SNX9: variants seen among roughly 807,000 people sequenced by gnomAD.
SNX9 encodes the protein sorting nexin 9.
In SNX9, 44 loss-of-function variants were observed where a neutral mutation model predicts 89.4. That is an observed-to-expected ratio of 0.49 (90% CI 0.39 to 0.63). The LOEUF (loss-of-function observed/expected upper bound fraction) is 0.63, where lower values mean the gene tolerates loss of function less well. SNX9 is among the 30% of genes least tolerant of loss of function. The pLI is 0.00. For synonymous variants in SNX9, 236 were observed against 247.8 expected, an observed-to-expected ratio of 0.95 and a Z score of 0.45; for missense variants, 578 against 736.1, an observed-to-expected ratio of 0.79 and a Z score of 2.49.
At chr6:157,840,432 T>TCTTTCCTTTCTTTC (rs1781679742) in intron 1 of SNX9, among the ~76,000 whole-genome samples, 1 of 138,700 alleles carries the variant, frequency 7.2e-6, no homozygotes. Flanking sequence ...TTCTTTCTTT[T>TCTTTCCTTTCTTTC]CTTTCCTTTC....
At position 157,944,254 on chromosome 6, in the gene SNX9, T is replaced by C. The variant is rs1456965452; in HGVS notation, c.*1416T>C. 5 of 152,638 alleles carry C rather than the reference T, an allele frequency of 3.3e-5. No individual in the cohort carries two copies. The highest frequency in any genetic ancestry group is 5.9e-5 in the Non-Finnish European group (4 of 68,042). The allele number at this position is 152,638 out of a possible 1,614,324, so 9.5% of individuals were successfully genotyped here. Reference sequence around the variant, plus strand: ...AAAGTCTGGGCCAGCATCAATAAAATGACACCAAAAATAAGTAGATGAAAT... The same window carrying C: ...AAAGTCTGGGCCAGCATCAATAAAACGACACCAAAAATAAGTAGATGAAAT... On this transcript the variant is annotated 3_prime_UTR_variant, in exon 18 of 18. Coordinates refer to ENST00000392185, the MANE Select transcript of SNX9 (RefSeq NM_016224.5).
intron 9 of SNX9, among the ~76,000 whole-genome samples, chr6:157,913,613 A>G (rs548628530): frequency 6.6e-6 from 1 of 152,300 alleles, no homozygotes; most frequent in African/African-American, 2.4e-5. Flanking sequence ...ACATTTCATG[A>G]TACAGAACAG....
chr6:157,850,694 G>A (rs1466862541), intron 1 of SNX9, among the ~76,000 whole-genome samples: 1 of 152,128 alleles, frequency 6.6e-6, no homozygotes, highest in Non-Finnish European at 1.5e-5. Flanking sequence ...TCATTGTCAA[G>A]CTCCATACAT....
intron 10 of SNX9, among the ~76,000 whole-genome samples, chr6:157,926,551 G>A (rs1045878423): frequency 2.0e-5 from 3 of 152,100 alleles, no homozygotes; most frequent in African/African-American, 7.2e-5. Context: ...GGAGGCTGAG[G>A]TGGGCAGATT....
At chr6:157,910,112 C>T (rs1414076885) in intron 9 of SNX9, 87 bp downstream of exon 9, 2 of 1,026,834 alleles carry the variant, frequency 1.9e-6, no homozygotes, top group East Asian at 4.8e-5. Context: ...TGGCATTTTC[C>T]ATCCTGTAGA....
At chr6:157,902,087 A>C (rs1192834279) in intron 6 of SNX9, 42 bp downstream of exon 6, 1 of 1,595,746 alleles carries the variant, frequency 6.3e-7, no homozygotes, top group South Asian at 1.1e-5. Context: ...CCGTGGTAGA[A>C]GTATACATTA....
intron 9 of SNX9, among the ~76,000 whole-genome samples, chr6:157,914,491 T>TTTTTTTC (rs1783421546): frequency 6.9e-6 from 1 of 144,934 alleles, no homozygotes; most frequent in African/African-American, 2.6e-5. Context: ...TTTTTTTTTT[T>TTTTTTTC]TGGAGACAGG....
At chr6:157,881,426 G>A (rs551456076) in intron 4 of SNX9, among the ~76,000 whole-genome samples, 1 of 152,132 alleles carries the variant, frequency 6.6e-6, no homozygotes, top group South Asian at 2.1e-4. Flanking sequence ...TATTAACCCT[G>A]CAGTGGCCTC....
At chr6:157,878,391 A>G (rs73573870) in intron 4 of SNX9, among the ~76,000 whole-genome samples, 3,083 of 151,950 alleles carry the variant, frequency 0.02, 94 homozygotes, top group African/African-American at 0.071. Flanking sequence ...AAAATAATAG[A>G]CAGCATTTTT....
intron 1 of SNX9, among the ~76,000 whole-genome samples, chr6:157,832,106 T>G (rs1781489321): frequency 6.6e-6 from 1 of 152,262 alleles, no homozygotes; most frequent in Non-Finnish European, 1.5e-5. Context: ...GTAAATGCAG[T>G]GTTTAAGGAT....
chr6:157,916,458 T>C (rs1285428396), intron 9 of SNX9, among the ~76,000 whole-genome samples: 3 of 152,252 alleles, frequency 2.0e-5, no homozygotes, highest in African/African-American at 7.2e-5. Flanking sequence ...ACTTCCTGTA[T>C]GCTCTTGAGT....
intron 1 of SNX9, among the ~76,000 whole-genome samples, chr6:157,843,134 C>T (rs1344255859): frequency 6.6e-6 from 1 of 152,132 alleles, no homozygotes; most frequent in African/African-American, 2.4e-5. Flanking sequence ...GGAGATGAAG[C>T]CTTCTAAGCC....
At chr6:157,859,582 A>G (rs1227207101) in intron 1 of SNX9, among the ~76,000 whole-genome samples, 2 of 152,216 alleles carry the variant, frequency 1.3e-5, no homozygotes, top group Admixed American at 6.5e-5. Context: ...GAAGCTGTAG[A>G]AAAATGTTAC....
intron 1 of SNX9, among the ~76,000 whole-genome samples, chr6:157,835,350 A>C (rs1781562120): frequency 6.6e-6 from 1 of 151,892 alleles, no homozygotes; most frequent in African/African-American, 2.4e-5. Context: ...CTTCTATTAG[A>C]GTTCAATTAC....
intron 17 of SNX9, among the ~76,000 whole-genome samples, chr6:157,941,330 G>A (rs1195330079): frequency 6.6e-6 from 1 of 152,126 alleles, no homozygotes; most frequent in Non-Finnish European, 1.5e-5. Flanking sequence ...CTGGGACTCC[G>A]TTGGCAGCTG....
intron 9 of SNX9, among the ~76,000 whole-genome samples, chr6:157,910,253 T>A (rs1783311184): frequency 6.6e-6 from 1 of 152,262 alleles, no homozygotes; most frequent in Admixed American, 6.5e-5. Context: ...TCACAGGTTT[T>A]GGTATGTGTC....
In SNX9 at chr6:157,835,072, G is replaced by A. The variant is rs546915976; in HGVS notation, c.12+11626G>A. ...TTGTCACCCAGGCTGGAGTGCAGTG[G>A]CATGATCTCAGCTCACTGCAACCTC... is the stretch of plus-strand genomic sequence containing the variant. On this transcript the variant is annotated intron_variant, in intron 1 of 17. Coordinates refer to ENST00000392185, the MANE Select transcript of SNX9 (RefSeq NM_016224.5). Among the ~76,000 whole-genome samples the A allele has an allele frequency of 2.0e-5, 3 of 152,226 alleles. No individual in the cohort carries two copies. In the South Asian group the frequency reaches 6.2e-4, roughly 32 times the overall value.
chr6:157,889,845 T>C (rs750766688), intron 4 of SNX9, among the ~76,000 whole-genome samples: 7 of 152,256 alleles, frequency 4.6e-5, no homozygotes, highest in Non-Finnish European at 1.0e-4. Flanking sequence ...CTTTTCTTTA[T>C]ATTTTAGATG....
chr6:157,926,351 A>G (rs1783691127), intron 10 of SNX9, among the ~76,000 whole-genome samples: 2 of 152,080 alleles, frequency 1.3e-5, no homozygotes, highest in South Asian at 4.1e-4. Context: ...GATATTTTTG[A>G]TTTGGGTACT....
Sources: allele counts gnomAD v4.1 joint callset (sites outside exome capture counted in the v4.1 genomes callset), GRCh38; gene constraint gnomAD v4.1.1; transcripts MANE v1.5; gene names NCBI Gene and HGNC (gene_info 2026-07-23, HGNC 2026-07-21).